Variants in SPATA1 observed in about 807,000 individuals in gnomAD.
SPATA1 encodes spermatogenesis-associated protein 1.
Under a neutral mutation model 59.6 loss-of-function variants are expected in SPATA1, and 57 were observed. The observed-to-expected ratio is 0.96, with a 90% CI of 0.77 to 1.19. SPATA1 has a LOEUF of 1.19. SPATA1 is among the 50% of genes most tolerant of loss of function. The probability of loss-of-function intolerance (pLI) is 0.00; values close to 1 mark genes in which losing one functional copy is unlikely to be tolerated. For synonymous variants in SPATA1, 147 were observed against 163.9 expected (o/e 0.90, Z 0.79); for missense variants, 448 against 480.7 (o/e 0.93, Z 0.64).
intron 1 of SPATA1, among the ~76,000 whole-genome samples, chr1:84,509,482 G>A (rs780109647): frequency 2.0e-5 from 3 of 152,244 alleles, no homozygotes; most frequent in Admixed American, 1.3e-4. Flanking sequence ...AAACATTGGA[G>A]TTGGGGCATG....
At chr1:84,544,813 G>A (rs1684031432) in intron 9 of SPATA1, among the ~76,000 whole-genome samples, 1 of 151,504 alleles carries the variant, frequency 6.6e-6, no homozygotes. Flanking sequence ...CACCCATCTC[G>A]GCCTCCCAAA....
intron 6 of SPATA1, among the ~76,000 whole-genome samples, chr1:84,526,977 AGAT>A (rs1683253517): frequency 1.3e-5 from 2 of 152,244 alleles, no homozygotes; most frequent in South Asian, 4.1e-4. Flanking sequence ...TAGGAAAAAA[AGAT>A]AGGTAATTTA....
chr1:84,507,751 T>A (rs312397), intron 1 of SPATA1, among the ~76,000 whole-genome samples: 70,375 of 151,932 alleles, frequency 0.46, 18,154 homozygotes, highest in African/African-American at 0.69. Flanking sequence ...AGAACCGTGG[T>A]ATGTTAATGC....
intron 4 of SPATA1, chr1:84,563,153 C>T: frequency 1.4e-6 from 1 of 737,456 alleles, no homozygotes. Context: ...GCATGTTATG[C>T]CCTAAAAGAA....
exon 13 of SPATA1, chr1:84,553,054 C>T (rs1352616694): frequency 6.6e-7 from 1 of 1,526,630 alleles, no homozygotes; most frequent in South Asian, 1.3e-5. Flanking sequence ...CAAGCAGTTT[C>T]AGATTTACGA....
intron 4 of SPATA1, among the ~76,000 whole-genome samples, chr1:84,559,869 G>A (rs1391615873): frequency 6.6e-6 from 1 of 151,976 alleles, no homozygotes; most frequent in African/African-American, 2.4e-5. Flanking sequence ...CGGATCACTT[G>A]AGGTCAGGAG....
chr1:84,553,271 T>C (rs1343783838), exon 13 of SPATA1: 3 of 488,122 alleles, frequency 6.1e-6, no homozygotes, highest in East Asian at 3.6e-5. Context: ...ACAAAATGTT[T>C]CAGGAAATAT....
chr1:84,566,076 T>A (rs1684694459), exon 5 of SPATA1: 2 of 990,510 alleles, frequency 2.0e-6, no homozygotes, highest in Non-Finnish European at 2.7e-6. Flanking sequence ...GTCAGATTTT[T>A]AAAATTATAT....
chr1:84,559,345 G>A (rs1232138491), downstream of SPATA1, among the ~76,000 whole-genome samples: 3 of 152,178 alleles, frequency 2.0e-5, no homozygotes, highest in Admixed American at 1.3e-4. Context: ...ATTTGGCTAG[G>A]CGCGGTAGCT....
chr1:84,514,425 A>AT (rs1374622928), intron 1 of SPATA1, among the ~76,000 whole-genome samples: 1 of 152,144 alleles, frequency 6.6e-6, no homozygotes, highest in Non-Finnish European at 1.5e-5. Context: ...CAGATTTCAG[A>AT]TTTTTTCAAA....
chr1:84,557,774 C>G (rs570635943), downstream of SPATA1, among the ~76,000 whole-genome samples: 29 of 150,502 alleles, frequency 1.9e-4, no homozygotes, highest in East Asian at 4.5e-3. Flanking sequence ...AGGAGAATGG[C>G]GTGAACCCGG....
intron 6 of SPATA1, among the ~76,000 whole-genome samples, chr1:84,532,445 G>A (rs373373467): frequency 6.6e-6 from 1 of 152,208 alleles, no homozygotes; most frequent in Admixed American, 6.5e-5. Context: ...ACAGTGAACT[G>A]AGATTGCACC....
At chr1:84,540,657 A>G (rs1683867950) in intron 8 of SPATA1, among the ~76,000 whole-genome samples, 1 of 152,184 alleles carries the variant, frequency 6.6e-6, no homozygotes, top group South Asian at 2.1e-4. Context: ...CTTAACTGCC[A>G]ATTATTTTGC....
intron 3 of SPATA1, 62 bp from the exon 4 acceptor site, chr1:84,522,328 A>ATCAT: frequency 1.1e-6 from 1 of 924,516 alleles, no homozygotes; most frequent in Non-Finnish European, 1.5e-6. Context: ...AAGTTATTGA[A>ATCAT]TCATTAGTAT....
chr1:84,560,439 G>A (rs1684569981), intron 4 of SPATA1, among the ~76,000 whole-genome samples: 1 of 152,148 alleles, frequency 6.6e-6, no homozygotes, highest in African/African-American at 2.4e-5. Context: ...TCTGATCACA[G>A]TTCTACATAG....
intron 8 of SPATA1, among the ~76,000 whole-genome samples, chr1:84,538,705 C>T (rs2101986805): frequency 6.6e-6 from 1 of 152,298 alleles, no homozygotes; most frequent in South Asian, 2.1e-4. Context: ...AATCAGAAGC[C>T]TGCCAACTTT....
chr1:84,508,292 AAAAC>A (rs1050981590), intron 1 of SPATA1, among the ~76,000 whole-genome samples: 4 of 152,190 alleles, frequency 2.6e-5, no homozygotes, highest in East Asian at 1.9e-4. Flanking sequence ...CAAAAAAAAA[AAAAC>A]AAAACCATTG....
downstream of SPATA1, among the ~76,000 whole-genome samples, chr1:84,557,733 C>T (rs1325534852): frequency 1.3e-5 from 2 of 151,026 alleles, no homozygotes. Context: ...TGGCGGGCAC[C>T]TGTAGTCCCA....
chr1:84,563,920 T>G, intron 4 of SPATA1: 1 of 1,397,532 alleles, frequency 7.2e-7, no homozygotes, highest in South Asian at 1.9e-5. Flanking sequence ...AGAATCTGTT[T>G]GTAAAAACAA....
Sources: allele counts gnomAD v4.1 joint callset (sites outside exome capture counted in the v4.1 genomes callset), GRCh38; gene constraint gnomAD v4.1.1; transcripts MANE v1.5; gene names NCBI Gene and HGNC (gene_info 2026-07-23, HGNC 2026-07-21).